The following STAG3 variants were observed in gnomAD, a reference collection of about 807,000 sequenced individuals.
The protein encoded by STAG3 is cohesin subunit SA-3.
Under a neutral mutation model 160.7 loss-of-function variants are expected in STAG3, and 101 were observed. That is an observed-to-expected ratio of 0.63 (90% CI 0.54 to 0.74). STAG3 has a LOEUF of 0.74. Ranked by LOEUF, STAG3 falls within the 30% of genes least tolerant of loss-of-function variation. The probability of loss-of-function intolerance (pLI) is 0.00; values close to 1 mark genes in which losing one functional copy is unlikely to be tolerated. For missense variants in STAG3, 1,188 were observed against 1,517.4 expected, an observed-to-expected ratio of 0.78 and a Z score of 3.61; for synonymous variants, 519 against 585.0, an observed-to-expected ratio of 0.89 and a Z score of 1.63.
At chr7:100,190,754 C>T (rs1475897289) in intron 8 of STAG3, among the ~76,000 whole-genome samples, 1 of 152,062 alleles carries the variant, frequency 6.6e-6, no homozygotes, top group Non-Finnish European at 1.5e-5. Flanking sequence ...TCCTTACTTC[C>T]TTAATGTCCA....
rs753130676 is a variant in STAG3, at chr7:100,198,565, C to T, written c.1335C>T (p.Gly445=). The change falls in exon 13 of 34, where the codon GGC becomes GGT. Residue 445 remains glycine (G), a synonymous_variant. Transcript: ENST00000615138. ...ATCGAGGCCTGGCCTCTGCCGCAGG[C>T]GAATTTCTGTACTGGAAGTGAGTGG... ...ASHRGLASAA[G]EFLYWKLFYP... is the part of the protein sequence containing the mutation. The T allele has an allele frequency of 3.7e-6, 6 of 1,613,800 alleles. No individual in the cohort carries two copies. Among genetic ancestry groups the T allele is most frequent in the Non-Finnish European group, 5.1e-6 (6 of 1,179,986 alleles).
chr7:100,198,661 G>C, intron 13 of STAG3, 79 bp downstream of exon 13: 1 of 1,417,796 alleles, frequency 7.1e-7, no homozygotes. Context: ...CCTACCTAAG[G>C]CTTCCCCATC....
intron 4 of STAG3, 113 bp downstream of exon 4, chr7:100,182,952 G>A: frequency 8.3e-7 from 1 of 1,210,674 alleles, no homozygotes. Context: ...AACATGTCAA[G>A]AAAGATAAGG....
chr7:100,204,972 ACTTTCTTC>A (rs1362893239), intron 27 of STAG3, 25 bp from the exon 28 acceptor site: 1 of 1,606,536 alleles, frequency 6.2e-7, no homozygotes, highest in Non-Finnish European at 8.5e-7. Flanking sequence ...GTGGGAAGAG[ACTTTCTTC>A]CTAAAATAAT....
At position 100,198,190 on chromosome 7, in the gene STAG3, C is replaced by T. The variant is rs769560158; in HGVS notation, c.1244+24C>T. ...AAGTGAGTCCTGGGAAGAGGGGAGG[C>T]CAGTGTCTCAGACCTTTGCCCTTCC... On this transcript the variant is annotated intron_variant, in intron 12 of 33. Transcript: ENST00000615138. The T allele has an allele frequency of 3.9e-5, 62 of 1,607,646 alleles. No individual in the cohort carries two copies. The South Asian group carries it at 6.6e-4, about 17-fold the overall frequency.
chr7:100,203,277 C>T (rs1216466834), intron 25 of STAG3, among the ~76,000 whole-genome samples: 9 of 151,574 alleles, frequency 5.9e-5, no homozygotes, highest in Non-Finnish European at 8.8e-5. Context: ...CTCTGCCTCC[C>T]GGGGTTCAAG....
chr7:100,190,550 CT>C (rs1210689970), intron 8 of STAG3, among the ~76,000 whole-genome samples: 1 of 152,100 alleles, frequency 6.6e-6, no homozygotes, highest in African/African-American at 2.4e-5. Flanking sequence ...CTTTTCTTTT[CT>C]TTTTCTTTTT....
Position 100,198,435 on chromosome 7 carries a change from T to C in STAG3, c.1245-40T>C, listed in dbSNP as rs1221719642. 7 of 1,596,758 alleles carry C rather than the reference T, an allele frequency of 4.4e-6. No individual in the cohort carries two copies. The East Asian group carries it at 1.1e-4, about 25-fold the overall frequency. On this transcript the variant is annotated intron_variant, in intron 12 of 33. Transcript: ENST00000615138. ...TAGCCTTGGTTGTGCCAGAAGACAA[T>C]GTCCCTATTCACATACTCTTTCTGC...
At chr7:100,191,788 T>C (rs906261225) in intron 8 of STAG3, among the ~76,000 whole-genome samples, 4 of 152,206 alleles carry the variant, frequency 2.6e-5, no homozygotes, top group Non-Finnish European at 4.4e-5. Context: ...TTACAAAAAA[T>C]TTCTCTGTAA....
chr7:100,194,392 A>G (rs1411094591), intron 8 of STAG3, among the ~76,000 whole-genome samples: 1 of 152,214 alleles, frequency 6.6e-6, no homozygotes, highest in African/African-American at 2.4e-5. Flanking sequence ...GGAGAGAGAG[A>G]GAGACAGAGA....
intron 27 of STAG3, 69 bp downstream of exon 27, chr7:100,204,844 A>AG: frequency 6.4e-7 from 1 of 1,569,338 alleles, no homozygotes. Flanking sequence ...GAGGTCTCGG[A>AG]GGGAGGGTAT....
chr7:100,204,916 G>T (rs181344107), intron 27 of STAG3, 89 bp from the exon 28 acceptor site: 6 of 1,571,984 alleles, frequency 3.8e-6, no homozygotes, highest in Admixed American at 1.8e-5. Flanking sequence ...AGCTGGGGAC[G>T]GGGGGAGGGT....
At chr7:100,187,021 CTTTGT>C (rs1359404784) in intron 5 of STAG3, among the ~76,000 whole-genome samples, 1 of 151,624 alleles carries the variant, frequency 6.6e-6, no homozygotes, top group African/African-American at 2.4e-5. Flanking sequence ...TTATTGCTGT[CTTTGT>C]TTTGTTTTTT....
At chr7:100,206,661 AG>A (rs1801684377) in intron 29 of STAG3, among the ~76,000 whole-genome samples, 1 of 151,594 alleles carries the variant, frequency 6.6e-6, no homozygotes, top group Non-Finnish European at 1.5e-5. Flanking sequence ...TAGTAGAGAC[AG>A]GGTTTCACCA....
intron 5 of STAG3, 100 bp from the exon 6 acceptor site, chr7:100,188,353 C>T: frequency 1.2e-6 from 1 of 861,356 alleles, no homozygotes; most frequent in Non-Finnish European, 2.0e-6. Context: ...CACCTAAGCT[C>T]TTTGCAGAAT....
chr7:100,200,565 C>A (rs1166509849), intron 18 of STAG3, 23 bp downstream of exon 18: 2 of 1,611,814 alleles, frequency 1.2e-6, no homozygotes, highest in Non-Finnish European at 1.7e-6. Flanking sequence ...ATTTCCTATA[C>A]CTTGCTGCTT....
At position 100,211,468 on chromosome 7, in the gene STAG3, G is replaced by C. The variant is rs367599225; in HGVS notation, c.3447G>C (p.Arg1149Ser). Residue 1149 changes from arginine to serine, a missense_variant, in exon 31 of 34, where the codon AGG becomes AGC. By Grantham distance (110) the Arg-to-Ser change is moderately radical. Coordinates refer to ENST00000615138, the MANE Select transcript of STAG3 (RefSeq NM_001282717.2). ...SQPVAGTERSRFLGPQYFQTP... is the reference protein window; with the variant it reads ...SQPVAGTERSSFLGPQYFQTP... ...CCGTCGCAGGCACCGAGAGGTCAAG[G>C]TTCTTGGGTCCACAATATTTCCAGA... 2.5e-6 allele frequency: 4 copies of C among 1,613,886 alleles called. No homozygotes were observed. In the African/African-American group the frequency reaches 4.0e-5, roughly 16 times the overall value.
intron 4 of STAG3, among the ~76,000 whole-genome samples, 167 bp downstream of exon 4, chr7:100,183,006 G>A (rs1163012998): frequency 1.3e-5 from 2 of 152,092 alleles, no homozygotes; most frequent in African/African-American, 4.8e-5. Flanking sequence ...AACCTTGAAT[G>A]AGAGAGCATG....
At chr7:100,202,732 T>C in intron 25 of STAG3, 142 bp downstream of exon 25, 6 of 1,083,874 alleles carry the variant, frequency 5.5e-6, no homozygotes, top group Non-Finnish European at 7.7e-6. Context: ...GCACTGGGAG[T>C]TCAGAATAAG....
Sources: allele counts gnomAD v4.1 joint callset (sites outside exome capture counted in the v4.1 genomes callset), GRCh38; gene constraint gnomAD v4.1.1; transcripts MANE v1.5; gene names NCBI Gene and HGNC (gene_info 2026-07-23, HGNC 2026-07-21).